TENT4B: variants seen among roughly 807,000 people sequenced by gnomAD.
The protein encoded by TENT4B is PAP associated domain containing 5.
A neutral mutation model predicts 75.0 loss-of-function variants in TENT4B; 10 were observed. The observed-to-expected ratio is 0.13, with a 90% CI of 0.08 to 0.23. The LOEUF (loss-of-function observed/expected upper bound fraction) is 0.23, where lower values mean the gene tolerates loss of function less well. Ranked by LOEUF, TENT4B falls within the 10% of genes least tolerant of loss-of-function variation. TENT4B has a pLI of 1.00. For synonymous variants in TENT4B, 350 were observed against 357.7 expected, an observed-to-expected ratio of 0.98 and a Z score of 0.24; for missense variants, 579 against 893.8, an observed-to-expected ratio of 0.65 and a Z score of 4.49.
At chr16:50,222,219 T>C in intron 5 of TENT4B, 87 bp from the exon 6 acceptor site, 2 of 1,253,920 alleles carry the variant, frequency 1.6e-6, no homozygotes, top group Non-Finnish European at 2.2e-6. Flanking sequence ...CCAAATTTTA[T>C]AATGTAAGGA....
intron 1 of TENT4B, among the ~76,000 whole-genome samples, chr16:50,167,839 T>A (rs2038131314): frequency 6.6e-6 from 1 of 152,126 alleles, no homozygotes; most frequent in African/African-American, 2.4e-5. Flanking sequence ...GTATTTTTAG[T>A]AAAGAGGGGG....
chr16:50,164,968 C>T (rs139243601), intron 1 of TENT4B, among the ~76,000 whole-genome samples: 133 of 151,914 alleles, frequency 8.8e-4, no homozygotes, highest in Middle Eastern at 6.8e-3. Context: ...CTGGGAGGAT[C>T]GCTTGAGACC....
rs569278163 is a variant in TENT4B at position 50,214,661 on chromosome 16, ATAAG to A, written c.809+402_809+405del. Among the ~76,000 whole-genome samples, 1,297 of 152,342 alleles carry A rather than the reference ATAAG, an allele frequency of 8.5e-3. 11 individuals are homozygous for A. The highest frequency in any genetic ancestry group is 0.014 in the Non-Finnish European group (970 of 68,028). On this transcript the variant is annotated intron_variant, in intron 3 of 11. Coordinates refer to ENST00000561678, the MANE Select transcript of TENT4B (RefSeq NM_001365324.3). ...ACAGAGCAAGACTCTGTCTCAAAAAATAAGTAAGTAAATAAATAAAGGATTTACC... is the reference window on the plus strand; with the variant it reads ...ACAGAGCAAGACTCTGTCTCAAAAAATAAGTAAATAAATAAAGGATTTACC...
intron 10 of TENT4B, among the ~76,000 whole-genome samples, chr16:50,226,750 A>G (rs1303126912): frequency 6.6e-6 from 1 of 152,186 alleles, no homozygotes; most frequent in Non-Finnish European, 1.5e-5. Flanking sequence ...GTTAACATAA[A>G]ATTCAGCATT....
intron 1 of TENT4B, among the ~76,000 whole-genome samples, chr16:50,195,278 TACCCCCTCCA>T (rs2030153628): frequency 6.6e-6 from 1 of 152,206 alleles, no homozygotes; most frequent in Admixed American, 6.6e-5. Flanking sequence ...GTCCTGGTGA[TACCCCCTCCA>T]AAGCACAGCT....
At chr16:50,175,530 G>A (rs1343767795) in intron 1 of TENT4B, among the ~76,000 whole-genome samples, 2 of 152,096 alleles carry the variant, frequency 1.3e-5, no homozygotes. Context: ...TTGTCGCCAG[G>A]CTGAAGTGCA....
chr16:50,190,868 C>A (rs144363630), intron 1 of TENT4B, among the ~76,000 whole-genome samples: 1 of 152,034 alleles, frequency 6.6e-6, no homozygotes, highest in Admixed American at 6.6e-5. Context: ...TCTCCCTTCT[C>A]CCCTTCCTCC....
chr16:50,161,101 A>G (rs1476140967), intron 1 of TENT4B, among the ~76,000 whole-genome samples: 1 of 152,212 alleles, frequency 6.6e-6, no homozygotes, highest in Non-Finnish European at 1.5e-5. Context: ...AATATTTGGT[A>G]GGGACTCAGC....
At position 50,153,745 on chromosome 16, in the gene TENT4B, AGCGGCGGCGCGAGCGGCG is replaced by A; in HGVS notation, c.133_150del (p.Ala45_Gly50del). On this transcript the variant is annotated inframe_deletion, in exon 1 of 12. Coordinates refer to ENST00000561678, the MANE Select transcript of TENT4B (RefSeq NM_001365324.3). The stretch of plus-strand genomic sequence containing the variant: ...CTACTTCAACCACCACTGTCACAGC[AGCGGCGGCGCGAGCGGCG>A]GCGGCGGCAGCAGCAGCAGCAGCAG... The A allele has an allele frequency of 9.5e-7, 1 of 1,053,650 alleles. No homozygotes were observed. Among genetic ancestry groups the A allele is most frequent in the South Asian group, 4.0e-5 (1 of 25,292 alleles). The allele number at this position is 1,053,650 out of a possible 1,614,324, so 65.3% of individuals were successfully genotyped here.
chr16:50,230,268 CTT>C lies in TENT4B; in HGVS notation c.*949_*950del, dbSNP rs141953613. ...ACTTTGTGTTTGCTTCCTTTGCAGT[CTT>C]TTTTTTTTCCCCCCATTTCTTCCTA... On this transcript the variant is annotated 3_prime_UTR_variant, in exon 12 of 12. Transcript: ENST00000561678. 50 of 899,310 alleles carry C rather than the reference CTT, an allele frequency of 5.6e-5. 1 individual carries two copies. The Middle Eastern group carries it at 2.3e-3, about 41-fold the overall frequency. 55.7% of individuals were successfully genotyped at this position (899,310 alleles called of 1,614,324 possible).
chr16:50,175,882 A>G (rs898088172), intron 1 of TENT4B, among the ~76,000 whole-genome samples: 7 of 151,934 alleles, frequency 4.6e-5, no homozygotes, highest in African/African-American at 1.7e-4. Context: ...TCCTAGGGTC[A>G]AGTTATCTTC....
rs566410884 is a variant in TENT4B at position 50,217,826 on chromosome 16, C to G, written c.1038+163C>G. 6.6e-5 allele frequency among the ~76,000 whole-genome samples: 10 copies of G among 150,768 alleles called. No individual in the cohort carries two copies. In the South Asian group the frequency reaches 2.1e-3, roughly 32 times the overall value. On this transcript the variant is annotated intron_variant, in intron 5 of 11. Transcript: ENST00000561678. ...TGTCACCTAGGCTGGAGTGCAGTGGCTGGATCATGGCCCGCTGCAGCCTCA... is the reference window on the plus strand; with the variant it reads ...TGTCACCTAGGCTGGAGTGCAGTGGGTGGATCATGGCCCGCTGCAGCCTCA...
chr16:50,222,813 C>T (rs1463947294), intron 6 of TENT4B, among the ~76,000 whole-genome samples: 4 of 152,098 alleles, frequency 2.6e-5, no homozygotes, highest in African/African-American at 9.7e-5. Flanking sequence ...TTTGGGTAAG[C>T]GAATTAGAGT....
chr16:50,161,568 CGT>C (rs745742908), intron 1 of TENT4B, among the ~76,000 whole-genome samples: 13 of 152,004 alleles, frequency 8.6e-5, no homozygotes, highest in Non-Finnish European at 1.8e-4. Flanking sequence ...CCTTTATTAC[CGT>C]GTTTCAAATG....
chr16:50,168,467 A>ATTTTTTT (rs61664898), intron 1 of TENT4B, among the ~76,000 whole-genome samples: 2 of 123,360 alleles, frequency 1.6e-5, no homozygotes, highest in South Asian at 2.6e-4. Flanking sequence ...CACCCAGCTA[A>ATTTTTTT]TTTTTTTTTT....
chr16:50,165,183 CATTT>C (rs777800861), intron 1 of TENT4B, among the ~76,000 whole-genome samples: 3 of 151,062 alleles, frequency 2.0e-5, no homozygotes, highest in African/African-American at 7.3e-5. Context: ...TGTGATATTC[CATTT>C]ATTTATTTTT....
rs952938634 is a variant in TENT4B, at chr16:50,231,452, T to G, written c.*2124T>G. The G allele has an allele frequency of 3.2e-5, 32 of 985,136 alleles. No individual in the cohort carries two copies. In the African/African-American group the frequency reaches 5.6e-4, roughly 17 times the overall value. 61.0% of individuals were successfully genotyped at this position (985,136 alleles called of 1,614,324 possible). A position where few individuals can be genotyped will look rare whatever the true frequency, so the allele number is the denominator to read the frequency against. ...CTATGTTACATTTACCACACTGAAG[T>G]TTTTTTTGTTGTTTTTTGTTTGTTT... On this transcript the variant is annotated 3_prime_UTR_variant, in exon 12 of 12. Coordinates refer to ENST00000561678, the MANE Select transcript of TENT4B (RefSeq NM_001365324.3).
chr16:50,178,142 C>CTTTTT (rs35008488), intron 1 of TENT4B, among the ~76,000 whole-genome samples: 1 of 115,622 alleles, frequency 8.6e-6, no homozygotes. Context: ...AGGTGGTCTA[C>CTTTTT]TTTTTTTTTT....
At chr16:50,157,842 A>G (rs2037930507) in intron 1 of TENT4B, among the ~76,000 whole-genome samples, 1 of 151,780 alleles carries the variant, frequency 6.6e-6, no homozygotes, top group Admixed American at 6.6e-5. Context: ...CATGGGTCAC[A>G]GCAGCCTTGG....
Sources: gnomAD v4.1 joint callset for allele counts (sites outside exome capture counted in the v4.1 genomes callset) on GRCh38, gnomAD v4.1.1 for gene constraint, MANE v1.5 for transcripts, NCBI Gene and HGNC (gene_info 2026-07-23, HGNC 2026-07-21) for gene names.